JAK2: variants seen among roughly 807,000 people sequenced by gnomAD.
JAK2 encodes the protein tyrosine-protein kinase JAK2.
JAK2 carries 86 observed loss-of-function variants against 139.3 expected under a neutral mutation model. The ratio of observed to expected loss-of-function variants is 0.62; its 90% confidence interval spans 0.52 to 0.74. JAK2 has a LOEUF of 0.74. Among genes scored for constraint, JAK2 ranks in the 30% least tolerant of loss-of-function variants. The probability of loss-of-function intolerance (pLI) is 0.00; values close to 1 mark genes in which losing one functional copy is unlikely to be tolerated. For missense variants in JAK2, 1,421 were observed against 1,360.3 expected (o/e 1.04, Z -0.70); for synonymous variants, 490 against 437.7 (o/e 1.12, Z -1.49).
intron 22 of JAK2, among the ~76,000 whole-genome samples, chr9:5,122,428 G>C (rs1163695736): frequency 6.6e-6 from 1 of 151,916 alleles, no homozygotes; most frequent in Non-Finnish European, 1.5e-5. Flanking sequence ...TTTTTCTCCA[G>C]CATATTTATA....
intron 22 of JAK2, among the ~76,000 whole-genome samples, chr9:5,102,484 G>T (rs1159969902): frequency 1.3e-5 from 2 of 152,156 alleles, no homozygotes; most frequent in Non-Finnish European, 2.9e-5. Context: ...TATTATCCAG[G>T]AGAACTTCCC....
rs1200670950 is a variant in JAK2, at chr9:5,054,997, A to G, written c.936+113A>G. On this transcript the variant is annotated intron_variant, in intron 7 of 24. Coordinates refer to ENST00000381652, the MANE Select transcript of JAK2 (RefSeq NM_004972.4). The surrounding 1 kb of genome is among the most constrained non-coding windows in gnomAD (Gnocchi z 4.9). ...TATTGCACTTCTCCCATTTGATAGA[A>G]GTGGAAGTTTTTAATAGCGTGAACC... 1 of 757,158 alleles carries G rather than the reference A, an allele frequency of 1.3e-6. No individual in the cohort carries two copies. Among genetic ancestry groups the G allele is most frequent in the African/African-American group, 1.8e-5 (1 of 56,712 alleles). The allele number at this position is 757,158 out of a possible 1,614,324, so 46.9% of individuals were successfully genotyped here. A position where few individuals can be genotyped will look rare whatever the true frequency, so the allele number is the denominator to read the frequency against.
intron 2 of JAK2, among the ~76,000 whole-genome samples, chr9:5,003,739 T>C (rs893920877): frequency 4.6e-5 from 7 of 152,084 alleles, no homozygotes; most frequent in African/African-American, 1.7e-4. Context: ...TCCACTATGG[T>C]ATTGAATAGA....
chr9:4,995,811 C>G (rs1820528609), intron 2 of JAK2, among the ~76,000 whole-genome samples: 1 of 152,132 alleles, frequency 6.6e-6, no homozygotes, highest in South Asian at 2.1e-4. Flanking sequence ...TGATTTTAAA[C>G]TTGAATTTAA....
At chr9:4,990,429 A>G (rs182372734) in intron 2 of JAK2, among the ~76,000 whole-genome samples, 14 of 152,298 alleles carry the variant, frequency 9.2e-5, no homozygotes, top group Admixed American at 5.2e-4. Context: ...TATTGTGGAT[A>G]TGTTGAGTTT....
intron 7 of JAK2, 91 bp from the exon 8 acceptor site, chr9:5,055,578 A>C: frequency 9.8e-7 from 1 of 1,023,506 alleles, no homozygotes; most frequent in Non-Finnish European, 1.4e-6. Flanking sequence ...TATTTTAAAG[A>C]ATTTGGAAAG....
At chr9:5,026,955 TAAAACTTGA>T (rs1241969527) in intron 3 of JAK2, among the ~76,000 whole-genome samples, 1 of 152,244 alleles carries the variant, frequency 6.6e-6, no homozygotes, top group Non-Finnish European at 1.5e-5. Context: ...ATGTATTGTG[TAAAACTTGA>T]CACATTGTTC....
chr9:5,078,154 T>G, intron 15 of JAK2, 152 bp from the exon 16 acceptor site: 1 of 551,638 alleles, frequency 1.8e-6, no homozygotes, highest in South Asian at 3.0e-5. Context: ...AGCATAGGAG[T>G]CATAAATTTC....
intron 3 of JAK2, among the ~76,000 whole-genome samples, chr9:5,025,568 C>T (rs577934840): frequency 8.1e-4 from 116 of 143,514 alleles, no homozygotes; most frequent in Non-Finnish European, 1.6e-3. Flanking sequence ...GAGTCTTGCT[C>T]TGTTGCCCAG....
chr9:5,049,412 T>TTG, intron 5 of JAK2, among the ~76,000 whole-genome samples: 1 of 152,324 alleles, frequency 6.6e-6, no homozygotes, highest in East Asian at 1.9e-4. Context: ...TCTGGTGCTT[T>TTG]TGTGTGTGTG....
chr9:5,066,940 T>A (rs964445913), intron 10 of JAK2, 151 bp downstream of exon 10: 9 of 381,008 alleles, frequency 2.4e-5, no homozygotes, highest in African/African-American at 1.9e-4. Context: ...AGAGATTCTG[T>A]ACAAATAAAC....
At chr9:5,112,700 C>T in intron 22 of JAK2, 1 of 878,322 alleles carries the variant, frequency 1.1e-6, no homozygotes, top group Admixed American at 3.1e-5. Flanking sequence ...TTTGGAGCAG[C>T]AAGTGCGAGA....
At chr9:5,018,244 C>G (rs955320121) in intron 2 of JAK2, among the ~76,000 whole-genome samples, 48 of 152,074 alleles carry the variant, frequency 3.2e-4, no homozygotes, top group African/African-American at 1.1e-3. Context: ...TGAATCCTTT[C>G]TTGTCTGTGT....
intron 8 of JAK2, among the ~76,000 whole-genome samples, chr9:5,058,001 T>G (rs1817885764): frequency 1.3e-5 from 2 of 152,206 alleles, no homozygotes; most frequent in South Asian, 4.1e-4. Flanking sequence ...AAGGTTCATT[T>G]GTATTACAGC....
intron 14 of JAK2, among the ~76,000 whole-genome samples, chr9:5,075,964 C>G (rs1339590037): frequency 4.6e-5 from 7 of 152,084 alleles, no homozygotes; most frequent in African/African-American, 1.4e-4. Context: ...AAAGTTCATT[C>G]TAACCCTCCT....
At chr9:4,988,798 G>A (rs1235914320) in intron 2 of JAK2, among the ~76,000 whole-genome samples, 1 of 152,154 alleles carries the variant, frequency 6.6e-6, no homozygotes, top group East Asian at 1.9e-4. Context: ...TGCCCCAAGT[G>A]AAAGTTACCA....
In JAK2 at chr9:5,123,095, A is replaced by C. The variant is rs1007272721; in HGVS notation, c.3151A>C (p.Ile1051Leu). 1.2e-6 allele frequency: 2 copies of C among 1,607,648 alleles called. No individual in the cohort carries two copies. The highest frequency in any genetic ancestry group is 1.7e-6 in the Non-Finnish European group (2 of 1,176,478). The change falls in exon 23 of 25, where the codon ATT (isoleucine) becomes CTT (leucine). Residue 1051 changes from isoleucine to leucine, a missense_variant. Transcript: ENST00000381652. ...GGTTCTGTATGAACTTTTCACATAC[A>C]TTGAGAAGAGTAAAAGTCCACCAGC... ...GVVLYELFTY[I>L]EKSKSPPAEF...
chr9:5,121,235 C>T (rs1823597446), intron 22 of JAK2, among the ~76,000 whole-genome samples: 1 of 152,144 alleles, frequency 6.6e-6, no homozygotes, highest in South Asian at 2.1e-4. Flanking sequence ...TGATGTGTAT[C>T]ACAAGCAGTC....
chr9:5,009,969 C>T lies in JAK2; in HGVS notation c.-25-11994C>T, dbSNP rs534385399. 3.7e-4 allele frequency among the ~76,000 whole-genome samples: 57 copies of T among 152,252 alleles called. No individual in the cohort carries two copies. The South Asian group carries it at 0.011, about 30-fold the overall frequency. ...TTTCTTTTTTGTAGAGACAGGGTCT[C>T]GCAATGTTGCCGGGGCTAGTCTTGA... On this transcript the variant is annotated intron_variant, in intron 2 of 24. Coordinates refer to ENST00000381652, the MANE Select transcript of JAK2 (RefSeq NM_004972.4).
Sources: allele counts gnomAD v4.1 joint callset (sites outside exome capture counted in the v4.1 genomes callset), GRCh38; gene constraint gnomAD v4.1.1; non-coding constraint Gnocchi (gnomAD v3.1); transcripts MANE v1.5; gene names NCBI Gene and HGNC (gene_info 2026-07-23, HGNC 2026-07-21).